DNM1: variants seen among roughly 807,000 people sequenced by gnomAD.
DNM1 encodes the protein dynamin 1.
DNM1 carries 29 observed loss-of-function variants against 104.6 expected under a neutral mutation model. The observed-to-expected ratio is 0.28, with a 90% confidence interval of 0.21 to 0.38. The LOEUF (loss-of-function observed/expected upper bound fraction) is 0.38. DNM1 is among the 10% of genes least tolerant of loss of function. The pLI is 1.00. For synonymous variants in DNM1, 445 were observed against 475.8 expected (o/e 0.94, Z 0.84); for missense variants, 640 against 1,189.4 (o/e 0.54, Z 6.79).
chr9:128,245,352 A>G lies in DNM1; in HGVS notation c.1672-1042A>G, dbSNP rs2131278409. On this transcript the variant is annotated intron_variant, in intron 15 of 21. Coordinates refer to ENST00000372923, the MANE Select transcript of DNM1 (RefSeq NM_004408.4). This position sits in a 1 kb window ranked among gnomAD's most constrained non-coding sequence, Gnocchi z 5.2. ...CAGCCCCCCACCTGAGATCCTAGGC[A>G]AGGCTCATGCCCAACCTCTTTGAGT... Among the ~76,000 whole-genome samples, 1 of 152,040 alleles carries G rather than the reference A, an allele frequency of 6.6e-6. No individual in the cohort carries two copies. The highest frequency in any genetic ancestry group is 1.9e-4 in the East Asian group (1 of 5,156).
Position 128,234,014 on chromosome 9 carries a change from T to C in DNM1, c.1336-7T>C, listed in dbSNP as rs550764968. 3.0e-5 allele frequency: 47 copies of C among 1,559,244 alleles called. 1 individual carries two copies. In the African/African-American group the frequency reaches 3.8e-4, roughly 13 times the overall value. ...ACGTGGCTTTCTGCCCTCCTGCCCT[T>C]CCCCAGCTCCAGCAGTACCCGCGGC... is the stretch of plus-strand genomic sequence containing the variant. On this transcript the variant is annotated splice_polypyrimidine_tract_variant and splice_region_variant and intron_variant, in intron 10 of 21. Transcript: ENST00000372923.
chr9:128,242,390 A>G (rs1836424087), intron 15 of DNM1, 45 bp downstream of exon 15: 2 of 1,131,506 alleles, frequency 1.8e-6, no homozygotes, highest in Non-Finnish European at 2.7e-6. Flanking sequence ...GCTGGTGGAC[A>G]GAGTCAGGCT....
chr9:128,228,073 C>T (rs375485948), intron 10 of DNM1, among the ~76,000 whole-genome samples: 3 of 151,824 alleles, frequency 2.0e-5, no homozygotes, highest in African/African-American at 4.8e-5. Flanking sequence ...CAGAGTTTCA[C>T]GCTTGTTGCC....
chr9:128,219,883 A>G, intron 4 of DNM1, 105 bp from the exon 5 acceptor site: 1 of 781,982 alleles, frequency 1.3e-6, no homozygotes. Flanking sequence ...GGAGGCAGTG[A>G]GCAGGCAGGG....
rs1339384374 is a variant in DNM1, at chr9:128,224,414, C to T, written c.1335+25C>T. 26 of 1,600,102 alleles carry T rather than the reference C, an allele frequency of 1.6e-5. No homozygotes were observed. The highest frequency in any genetic ancestry group is 2.0e-5 in the Non-Finnish European group (24 of 1,171,666). On this transcript the variant is annotated intron_variant, in intron 10 of 21. Coordinates refer to ENST00000372923, the MANE Select transcript of DNM1 (RefSeq NM_004408.4). The surrounding 1 kb of genome is among the most constrained non-coding windows in gnomAD (Gnocchi z 4.3). ...GGTAACCCGGAGGCCCGGGCCAGCC[C>T]CCACCGCCTCTGCCCCGCCCTGCAC...
rs1468424297 is a variant in DNM1 at position 128,220,884 on chromosome 9, G to GTT, written c.849+546_849+547dup. Among the ~76,000 whole-genome samples the GTT allele has an allele frequency of 1.0e-4, 8 of 77,010 alleles. No individual in the cohort carries two copies. The highest frequency in any genetic ancestry group is 1.4e-4 in the Admixed American group (1 of 7,006). The allele number at this position is 77,010 out of a possible 152,430, so 50.5% of individuals were successfully genotyped here. On this transcript the variant is annotated intron_variant, in intron 6 of 21. Coordinates refer to ENST00000372923, the MANE Select transcript of DNM1 (RefSeq NM_004408.4). The surrounding 1 kb of genome is among the most constrained non-coding windows in gnomAD (Gnocchi z 5.2). The stretch of plus-strand genomic sequence containing the variant: ...GCCTCTATTTCTTTTTTCTTTATTT[G>GTT]TTTTCTTTCTTTCTTTCTTTCTTTC...
intron 4 of DNM1, 87 bp downstream of exon 4, chr9:128,219,339 T>A: frequency 8.3e-7 from 1 of 1,202,538 alleles, no homozygotes; most frequent in Non-Finnish European, 1.2e-6. Flanking sequence ...CTGAACGGTC[T>A]AAGAATAGCG....
At chr9:128,207,882 G>A (rs1464321559) in intron 1 of DNM1, among the ~76,000 whole-genome samples, 1 of 151,926 alleles carries the variant, frequency 6.6e-6, no homozygotes, top group Admixed American at 6.5e-5. Context: ...GCACGGGTTG[G>A]GGATCTTCTC....
In DNM1 at chr9:128,254,069, A is replaced by C; in HGVS notation, c.2535-585A>C. Reference sequence around the variant, plus strand: ...CCCGACCAGCTGAGGCTCCCCTCTTAGACTTATAAGTCTATGGCCACTGGC... The same window carrying C: ...CCCGACCAGCTGAGGCTCCCCTCTTCGACTTATAAGTCTATGGCCACTGGC... On this transcript the variant is annotated intron_variant, in intron 21 of 21. Coordinates refer to ENST00000372923, the MANE Select transcript of DNM1 (RefSeq NM_004408.4). This position sits in a 1 kb window ranked among gnomAD's most constrained non-coding sequence, Gnocchi z 6.1. The C allele has an allele frequency of 8.0e-7, 1 of 1,243,754 alleles. No individual in the cohort carries two copies. Among genetic ancestry groups the C allele is most frequent in the Non-Finnish European group, 1.0e-6 (1 of 996,688 alleles). The allele number at this position is 1,243,754 out of a possible 1,614,324, so 77.0% of individuals were successfully genotyped here.
At chr9:128,223,138 G>T (rs1459559786) in intron 9 of DNM1, 3 of 459,080 alleles carry the variant, frequency 6.5e-6, no homozygotes, top group South Asian at 5.0e-5. Context: ...CATCCCCAGG[G>T]TGAGATAGCT....
chr9:128,215,176 C>T (rs1414570278), intron 1 of DNM1, among the ~76,000 whole-genome samples: 2 of 152,228 alleles, frequency 1.3e-5, no homozygotes, highest in Non-Finnish European at 2.9e-5. Flanking sequence ...CCTCTCGGGT[C>T]CTGGCACCAG....
chr9:128,239,406 G>A (rs377489813), intron 11 of DNM1, 39 bp from the exon 12 acceptor site: 2 of 1,556,652 alleles, frequency 1.3e-6, no homozygotes, highest in Non-Finnish European at 1.8e-6. Context: ...ACTTTGTGGT[G>A]TCTTTTGCGC....
rs943725042 is a variant in DNM1 at position 128,220,457 on chromosome 9, C to G, written c.849+116C>G. 1.5e-6 allele frequency: 2 copies of G among 1,348,634 alleles called. No homozygotes were observed. Among genetic ancestry groups the G allele is most frequent in the South Asian group, 1.4e-5 (1 of 73,716 alleles). The allele number at this position is 1,348,634 out of a possible 1,614,324, so 83.5% of individuals were successfully genotyped here. On this transcript the variant is annotated intron_variant, in intron 6 of 21. Coordinates refer to ENST00000372923, the MANE Select transcript of DNM1 (RefSeq NM_004408.4). This position sits in a 1 kb window ranked among gnomAD's most constrained non-coding sequence, Gnocchi z 5.2. ...CCTCTCCGTAGTGCAGATAGACAAACTGAGCCTCAGAAAAGCAAAGCAACT... is the reference window on the plus strand; with the variant it reads ...CCTCTCCGTAGTGCAGATAGACAAAGTGAGCCTCAGAAAAGCAAAGCAACT...
intron 21 of DNM1, 58 bp downstream of exon 21, chr9:128,250,998 A>T: frequency 9.2e-7 from 1 of 1,082,052 alleles, no homozygotes. Context: ...CCGGGAGGGA[A>T]ATGGGGCTGG....
chr9:128,234,835 C>G (rs955039891), intron 11 of DNM1: 2 of 152,160 alleles, frequency 1.3e-5, no homozygotes, highest in Admixed American at 6.6e-5. Flanking sequence ...CACTGTTGCC[C>G]AGGCTGGAGT....
At chr9:128,206,138 A>G (rs1332713537) in intron 1 of DNM1, among the ~76,000 whole-genome samples, 7 of 152,110 alleles carry the variant, frequency 4.6e-5, no homozygotes, top group Non-Finnish European at 1.0e-4. Context: ...CAGTCCCCAG[A>G]CTGGTGAGCA....
At chr9:128,242,632 C>T (rs372170277) in intron 15 of DNM1, among the ~76,000 whole-genome samples, 7 of 152,058 alleles carry the variant, frequency 4.6e-5, no homozygotes, top group African/African-American at 9.7e-5. Flanking sequence ...TGTTGGCGGG[C>T]GCCTGTAATC....
intron 10 of DNM1, among the ~76,000 whole-genome samples, chr9:128,229,256 G>T (rs1470705567): frequency 6.7e-6 from 1 of 150,226 alleles, no homozygotes; most frequent in East Asian, 2.0e-4. Flanking sequence ...TTAGCCAGGC[G>T]TGGCAGTATG....
At chr9:128,210,461 AAGCAATTCTCCTACCTC>A (rs1435991304) in intron 1 of DNM1, among the ~76,000 whole-genome samples, 1 of 151,868 alleles carries the variant, frequency 6.6e-6, no homozygotes, top group East Asian at 1.9e-4. Context: ...TCCCAGGTTC[AAGCAATTCTCCTACCTC>A]AGCCTCCCAA....
Sources: allele counts gnomAD v4.1 joint callset (sites outside exome capture counted in the v4.1 genomes callset), GRCh38; gene constraint gnomAD v4.1.1; non-coding constraint Gnocchi (gnomAD v3.1); transcripts MANE v1.5; gene names NCBI Gene and HGNC (gene_info 2026-07-23, HGNC 2026-07-21).